Variants in RNFT2 observed in about 807,000 individuals in gnomAD.
The protein encoded by RNFT2 is E3 ubiquitin-protein ligase RNFT2.
RNFT2 carries 36 observed loss-of-function variants against 53.0 expected under a neutral mutation model. That is an observed-to-expected ratio of 0.68 (90% confidence interval 0.52 to 0.90). RNFT2 has a LOEUF of 0.90. Among genes scored for constraint, RNFT2 ranks in the 40% least tolerant of loss-of-function variants. The pLI, the probability that RNFT2 is intolerant of heterozygous loss-of-function variation, is 0.00. For missense variants in RNFT2, 514 were observed against 585.6 expected (o/e 0.88, Z 1.26); for synonymous variants, 260 against 253.2 (o/e 1.03, Z -0.26).
chr12:116,836,598 T>C (rs1214073694), intron 10 of RNFT2, among the ~76,000 whole-genome samples: 2 of 152,132 alleles, frequency 1.3e-5, no homozygotes, highest in Non-Finnish European at 2.9e-5. Flanking sequence ...AGTCACTCTC[T>C]CTCTGAGCCT....
At chr12:116,820,009 T>A (rs1334212152) in intron 7 of RNFT2, among the ~76,000 whole-genome samples, 2 of 152,250 alleles carry the variant, frequency 1.3e-5, no homozygotes, top group African/African-American at 2.4e-5. Context: ...CAACATAAAA[T>A]TTTTAATGAG....
intron 7 of RNFT2, among the ~76,000 whole-genome samples, chr12:116,815,110 CTAGTAG>C (rs1036909838): frequency 6.6e-6 from 1 of 152,040 alleles, no homozygotes; most frequent in African/African-American, 2.4e-5. Flanking sequence ...GTAGCCGGTC[CTAGTAG>C]TAGTAGATGT....
chr12:116,774,661 T>C (rs750421485), intron 6 of RNFT2, among the ~76,000 whole-genome samples: 4 of 152,066 alleles, frequency 2.6e-5, no homozygotes, highest in Non-Finnish European at 4.4e-5. Context: ...ACTGAGTGGT[T>C]TTGCCATCTT....
At chr12:116,843,683 C>T (rs1326993377) in intron 10 of RNFT2, among the ~76,000 whole-genome samples, 3 of 133,430 alleles carry the variant, frequency 2.2e-5, no homozygotes, top group Non-Finnish European at 3.2e-5. Flanking sequence ...AGTCCACAGC[C>T]GTGAACTCCT....
At chr12:116,846,986 G>A (rs891471016) in intron 10 of RNFT2, among the ~76,000 whole-genome samples, 1 of 147,120 alleles carries the variant, frequency 6.8e-6, no homozygotes, top group East Asian at 2.0e-4. Flanking sequence ...TTGGCTCACT[G>A]CAACCTCTGC....
intron 7 of RNFT2, among the ~76,000 whole-genome samples, chr12:116,796,905 G>A (rs751339257): frequency 6.6e-5 from 10 of 152,216 alleles, no homozygotes; most frequent in Non-Finnish European, 1.5e-4. Context: ...CTGGAAGAAG[G>A]TTAAGTAGTG....
intron 10 of RNFT2, among the ~76,000 whole-genome samples, chr12:116,841,804 TAA>T (rs1218082249): frequency 4.6e-4 from 20 of 43,438 alleles, no homozygotes; most frequent in Middle Eastern, 0.014. Context: ...AATATATATA[TAA>T]ATATATATAT....
At chr12:116,780,670 C>CAAAA (rs534092869) in intron 7 of RNFT2, among the ~76,000 whole-genome samples, 93 of 100,196 alleles carry the variant, frequency 9.3e-4, no homozygotes, top group African/African-American at 2.8e-3. Context: ...GGCATAAAGA[C>CAAAA]AAAAAAAAAA....
chr12:116,787,895 CCAGA>C (rs774763852), intron 7 of RNFT2, among the ~76,000 whole-genome samples: 194 of 152,092 alleles, frequency 1.3e-3, no homozygotes, highest in Non-Finnish European at 2.1e-3. Context: ...TTTTTGTGCT[CCAGA>C]CAGACAGACC....
At chr12:116,810,566 GT>G (rs1353996968) in intron 7 of RNFT2, among the ~76,000 whole-genome samples, 1 of 152,152 alleles carries the variant, frequency 6.6e-6, no homozygotes, top group African/African-American at 2.4e-5. Flanking sequence ...GGAGACTCAC[GT>G]TCTTGGCTCC....
chr12:116,823,557 A>C (rs1444646727), intron 7 of RNFT2, among the ~76,000 whole-genome samples: 1 of 152,052 alleles, frequency 6.6e-6, no homozygotes, highest in African/African-American at 2.4e-5. Flanking sequence ...CGTGGCGCAT[A>C]CCTATAATCC....
Position 116,852,412 on chromosome 12 carries a change from G to T in RNFT2, c.*2964G>T. On this transcript the variant is annotated 3_prime_UTR_variant, in exon 11 of 11. Transcript: ENST00000257575. ...GCTTGGCATCCCTGGCTCTCTCCTG[G>T]TACCCAGCAAGACGTCTGTTCCAGG... is the stretch of plus-strand genomic sequence containing the variant. 1.5e-6 allele frequency: 2 copies of T among 1,363,194 alleles called. No homozygotes were observed. Among genetic ancestry groups the T allele is most frequent in the Non-Finnish European group, 1.9e-6 (2 of 1,056,638 alleles). 84.4% of individuals were successfully genotyped at this position (1,363,194 alleles called of 1,614,324 possible). A position where few individuals can be genotyped will look rare whatever the true frequency, so the allele number is the denominator to read the frequency against.
chr12:116,839,584 A>G (rs1043109515), intron 10 of RNFT2, among the ~76,000 whole-genome samples: 2 of 149,792 alleles, frequency 1.3e-5, no homozygotes, highest in Non-Finnish European at 3.0e-5. Flanking sequence ...TGAGTGGGTA[A>G]ATAGGATGGA....
intron 5 of RNFT2, among the ~76,000 whole-genome samples, chr12:116,762,064 CA>C (rs796440574): frequency 0.046 from 5,551 of 121,588 alleles, 132 homozygotes; most frequent in African/African-American, 0.096. Context: ...GAGACTGTCT[CA>C]AAAAAAAAAA....
At chr12:116,756,309 T>TTTTTTTG (rs201319926) in intron 5 of RNFT2, among the ~76,000 whole-genome samples, 2,261 of 152,154 alleles carry the variant, frequency 0.015, 93 homozygotes, top group East Asian at 0.15. Flanking sequence ...TCCTAAGGTT[T>TTTTTTTG]TTTTTTGTTT....
chr12:116,845,456 A>G (rs572857062), intron 10 of RNFT2, among the ~76,000 whole-genome samples: 2 of 152,140 alleles, frequency 1.3e-5, no homozygotes, highest in South Asian at 4.2e-4. Context: ...AACATCATAA[A>G]ACAGGGGAGA....
intron 7 of RNFT2, among the ~76,000 whole-genome samples, chr12:116,831,034 A>C (rs754120854): frequency 1.3e-5 from 2 of 151,722 alleles, no homozygotes; most frequent in Non-Finnish European, 2.9e-5. Context: ...TTTGTCTTTC[A>C]TGATCTTGAC....
chr12:116,792,571 G>C (rs1874299938), intron 7 of RNFT2, among the ~76,000 whole-genome samples: 1 of 152,082 alleles, frequency 6.6e-6, no homozygotes, highest in East Asian at 1.9e-4. Flanking sequence ...CCCTTTTTTT[G>C]ATGATGATTA....
intron 7 of RNFT2, among the ~76,000 whole-genome samples, chr12:116,792,364 G>A (rs1353782071): frequency 6.6e-6 from 1 of 151,630 alleles, no homozygotes; most frequent in East Asian, 1.9e-4. Context: ...AAATTTCTGA[G>A]AATTAATTTT....
Sources: allele counts gnomAD v4.1 joint callset (sites outside exome capture counted in the v4.1 genomes callset), GRCh38; gene constraint gnomAD v4.1.1; transcripts MANE v1.5; gene names NCBI Gene and HGNC (gene_info 2026-07-23, HGNC 2026-07-21).